CFAP47: variants seen among roughly 807,000 people sequenced by gnomAD.
CFAP47 encodes cilia- and flagella-associated protein 47.
In CFAP47, 29 loss-of-function variants were observed where a neutral mutation model predicts 148.1. That is an observed-to-expected ratio of 0.20 (90% confidence interval 0.15 to 0.27). The LOEUF is 0.27. Among genes scored for constraint, CFAP47 ranks in the 10% least tolerant of loss-of-function variants. CFAP47 has a pLI of 1.00. For missense variants in CFAP47, 1,872 were observed against 1,697.5 expected (o/e 1.10, Z -1.81); for synonymous variants, 664 against 577.3 (o/e 1.15, Z -2.15).
chrX:36,180,684 G>A (rs1461114092), intron 40 of CFAP47, among the ~76,000 whole-genome samples: 1 of 112,277 alleles, frequency 8.9e-6, no homozygotes, highest in Non-Finnish European at 1.9e-5. Context: ...ATTATGAGAT[G>A]TTTGATTCCT....
chrX:36,154,901 C>G (rs1236204888), intron 37 of CFAP47, among the ~76,000 whole-genome samples: 2 of 109,794 alleles, frequency 1.8e-5, no homozygotes, highest in Non-Finnish European at 3.8e-5. Context: ...CAGCAGCACC[C>G]CCACCCACTT....
At chrX:36,370,507 C>T (rs982232848) in intron 62 of CFAP47, among the ~76,000 whole-genome samples, 1 of 110,400 alleles carries the variant, frequency 9.1e-6, no homozygotes, top group Non-Finnish European at 1.9e-5. Context: ...TTGATGGACA[C>T]TTGGGTTGGT....
chrX:35,966,154 A>T (rs1311530651), intron 8 of CFAP47, among the ~76,000 whole-genome samples: 2 of 106,013 alleles, frequency 1.9e-5, no homozygotes, highest in Admixed American at 1.0e-4. Flanking sequence ...ATAATTTTTT[A>T]AATAATTTTT....
intron 49 of CFAP47, among the ~76,000 whole-genome samples, chrX:36,273,682 GA>G (rs1329699560): frequency 1.8e-5 from 2 of 111,081 alleles, no homozygotes; most frequent in African/African-American, 6.5e-5. Context: ...CATATGTTGT[GA>G]AAAAAAGTTA....
intron 57 of CFAP47, among the ~76,000 whole-genome samples, chrX:36,327,350 CAAACGTATGA>C (rs1941525886): frequency 8.9e-6 from 1 of 112,042 alleles, no homozygotes. Flanking sequence ...AAGTAGCCAA[CAAACGTATGA>C]AAAAATGCTA....
In CFAP47 at chrX:35,953,573, C is replaced by A. The variant is rs1936198645; in HGVS notation, c.1047-19C>A. ...TATCAACTTTGCTTTAAAAATAACTCATTGTGATTTTTTTACAGGCTAATG... is the reference window on the plus strand; with the variant it reads ...TATCAACTTTGCTTTAAAAATAACTAATTGTGATTTTTTTACAGGCTAATG... On this transcript the variant is annotated intron_variant, in intron 6 of 63. Coordinates refer to ENST00000378653, the MANE Select transcript of CFAP47 (RefSeq NM_001304548.2). 2 of 1,157,660 alleles carry A rather than the reference C, an allele frequency of 1.7e-6. No individual in the cohort carries two copies. The highest frequency in any genetic ancestry group is 2.3e-6 in the Non-Finnish European group (2 of 862,691).
chrX:36,065,495 A>T (rs967436302), intron 26 of CFAP47, 148 bp from the exon 27 acceptor site: 2 of 421,102 alleles, frequency 4.7e-6, no homozygotes, highest in African/African-American at 5.1e-5. Context: ...ATTAACATTG[A>T]GTAGATGGTT....
intron 57 of CFAP47, among the ~76,000 whole-genome samples, chrX:36,328,816 C>CAAAAAAA (rs782618340): frequency 1.6e-4 from 9 of 56,371 alleles, no homozygotes; most frequent in Admixed American, 4.3e-4. Context: ...GACTCTGTCT[C>CAAAAAAA]AAAAAAAAAA....
intron 61 of CFAP47, among the ~76,000 whole-genome samples, chrX:36,366,449 TTTTTTAAAAAC>T (rs1355556393): frequency 1.8e-5 from 2 of 112,320 alleles, no homozygotes; most frequent in African/African-American, 6.4e-5. Flanking sequence ...TGCAATTTCA[TTTTTTAAAAAC>T]TGCCATTTAA....
intron 20 of CFAP47, among the ~76,000 whole-genome samples, chrX:36,001,313 G>C (rs1936911971): frequency 9.0e-6 from 1 of 111,480 alleles, no homozygotes; most frequent in Admixed American, 9.6e-5. Context: ...GAGTCTCCTA[G>C]CTGTTCCGGG....
rs765210856 is a variant in CFAP47, at chrX:36,104,580, C to A, written c.5209C>A (p.Pro1737Thr). The change falls in exon 33 of 64, where the codon CCT becomes ACT. Residue 1737 changes from proline (P) to threonine (T), a missense_variant. Pro to Thr is a conservative substitution (Grantham distance 38). Transcript: ENST00000378653. Reference sequence around the variant, plus strand: ...TGTGCAAAATACACCAAAAGTCAATCCTTGTTTTGCATCCAGCAACATATA... The same window carrying A: ...TGTGCAAAATACACCAAAAGTCAATACTTGTTTTGCATCCAGCAACATATA... ...ICVQNTPKVN[P>T]CFASSNIYSD... The A allele has an allele frequency of 1.5e-5, 15 of 972,289 alleles. No individual in the cohort carries two copies. Among genetic ancestry groups the A allele is most frequent in the Non-Finnish European group, 2.0e-5 (14 of 687,356 alleles). 80.1% of individuals were successfully genotyped at this position (972,289 alleles called of 1,213,427 possible). A position where few individuals can be genotyped will look rare whatever the true frequency, so the allele number is the denominator to read the frequency against.
intron 26 of CFAP47, among the ~76,000 whole-genome samples, chrX:36,054,453 G>T (rs1291039114): frequency 9.0e-6 from 1 of 111,546 alleles, no homozygotes; most frequent in Non-Finnish European, 1.9e-5. Flanking sequence ...TATTTTTTCT[G>T]TTTAAAAATT....
At chrX:36,172,134 T>G (rs2146858808) in intron 39 of CFAP47, among the ~76,000 whole-genome samples, 1 of 104,072 alleles carries the variant, frequency 9.6e-6, no homozygotes, top group African/African-American at 3.4e-5. Flanking sequence ...CTTGTGATTT[T>G]TGTACATTGA....
At chrX:36,155,600 C>A (rs1016453849) in intron 37 of CFAP47, among the ~76,000 whole-genome samples, 7 of 110,948 alleles carry the variant, frequency 6.3e-5, no homozygotes, top group Admixed American at 1.9e-4. Context: ...GTTTCAGATG[C>A]CATTGTGGTT....
chrX:35,932,752 G>C (rs1270344019), intron 2 of CFAP47, among the ~76,000 whole-genome samples: 1 of 109,855 alleles, frequency 9.1e-6, no homozygotes, highest in Non-Finnish European at 1.9e-5. Context: ...CCAACCTCCT[G>C]AGTAGTTGGG....
chrX:36,141,360 C>T (rs983808374), intron 35 of CFAP47, among the ~76,000 whole-genome samples: 3 of 111,450 alleles, frequency 2.7e-5, no homozygotes, highest in Non-Finnish European at 5.7e-5. Context: ...GTCTGATGTC[C>T]AAGGACAGGA....
In CFAP47 at chrX:35,971,922, C is replaced by T; in HGVS notation, c.2211C>T (p.Cys737=). ...CCACTCCACAAGAAAAACATGATTG[C>T]AGCTTAATGTTGACACCAAAGCAAA... ...EPSTPQEKHD[C]SLMLTPKQIH... The change falls in exon 13 of 64, where the codon TGC becomes TGT. Residue 737 remains cysteine (C), a synonymous_variant. Transcript: ENST00000378653. The T allele has an allele frequency of 2.5e-6, 3 of 1,200,512 alleles. No homozygotes were observed. Among genetic ancestry groups the T allele is most frequent in the Non-Finnish European group, 3.4e-6 (3 of 887,802 alleles).
At chrX:36,383,480 G>A (rs1395863423) in intron 63 of CFAP47, among the ~76,000 whole-genome samples, 2 of 111,569 alleles carry the variant, frequency 1.8e-5, no homozygotes, top group Non-Finnish European at 3.8e-5. Flanking sequence ...TCAATGTACT[G>A]GAAAATATAT....
chrX:36,345,288 C>T (rs1273447722), intron 57 of CFAP47, among the ~76,000 whole-genome samples: 2 of 111,282 alleles, frequency 1.8e-5, no homozygotes, highest in Non-Finnish European at 3.8e-5. Flanking sequence ...CACCAGGGAT[C>T]GGTTTCATGA....
Sources: gnomAD v4.1 joint callset for allele counts (sites outside exome capture counted in the v4.1 genomes callset) on GRCh38, gnomAD v4.1.1 for gene constraint, MANE v1.5 for transcripts, NCBI Gene and HGNC (gene_info 2026-07-23, HGNC 2026-07-21) for gene names.